The following EVC2 variants were observed in gnomAD, a reference collection of about 807,000 sequenced individuals.
EVC2 encodes the protein limbin.
Under a neutral mutation model 149.3 loss-of-function variants are expected in EVC2, and 148 were observed. The observed-to-expected ratio is 0.99, with a 90% CI of 0.87 to 1.14. The LOEUF (loss-of-function observed/expected upper bound fraction) is 1.14, where lower values mean the gene tolerates loss of function less well. Ranked by LOEUF, EVC2 falls within the 50% of genes most tolerant of loss-of-function variation. EVC2 has a pLI of 0.00. For missense variants in EVC2, 1,854 were observed against 1,627.3 expected, an observed-to-expected ratio of 1.14 and a Z score of -2.40; for synonymous variants, 776 against 649.9, an observed-to-expected ratio of 1.19 and a Z score of -2.95.
rs1489158506 is a variant in EVC2, at chr4:5,613,552, C to A, written c.2829+1870G>T. 6.6e-6 allele frequency among the ~76,000 whole-genome samples: 1 copy of A among 152,132 alleles called. No homozygotes were observed. The highest frequency in any genetic ancestry group is 1.5e-5 in the Non-Finnish European group (1 of 68,024). On this transcript the variant is annotated intron_variant, in intron 16 of 21. Coordinates refer to ENST00000344408, the MANE Select transcript of EVC2 (RefSeq NM_147127.5). This position sits in a 1 kb window ranked among gnomAD's most constrained non-coding sequence, Gnocchi z 4.6. Reference sequence around the variant, plus strand: ...CTTCTTGCTGTAAACTGGGAATAAACTGGGACAGCTTGGCTTACCTCTCTC... The same window carrying A: ...CTTCTTGCTGTAAACTGGGAATAAAATGGGACAGCTTGGCTTACCTCTCTC...
At chr4:5,676,151 A>G (rs542077045) in intron 7 of EVC2, among the ~76,000 whole-genome samples, 2 of 152,294 alleles carry the variant, frequency 1.3e-5, no homozygotes, top group African/African-American at 4.8e-5. Context: ...GTGCCATCTG[A>G]GACCTGCACT....
At chr4:5,568,232 ATT>A (rs34681984) in intron 20 of EVC2, among the ~76,000 whole-genome samples, 58 of 149,192 alleles carry the variant, frequency 3.9e-4, no homozygotes, top group East Asian at 1.2e-3. Context: ...CTTTTTATGC[ATT>A]TTTTTTTTTA....
chr4:5,629,976 TC>T (rs762012354), intron 11 of EVC2, among the ~76,000 whole-genome samples: 46 of 152,378 alleles, frequency 3.0e-4, no homozygotes, highest in Middle Eastern at 3.4e-3. Flanking sequence ...TAGCATGCAT[TC>T]TTTTTAACTT....
intron 1 of EVC2, among the ~76,000 whole-genome samples, chr4:5,698,201 C>T (rs548821252): frequency 1.3e-5 from 2 of 152,264 alleles, no homozygotes; most frequent in Admixed American, 1.3e-4. Flanking sequence ...AGGGAGGCCG[C>T]ACCATGTGAT....
intron 16 of EVC2, 105 bp from the exon 17 acceptor site, chr4:5,584,955 C>T: frequency 8.0e-7 from 1 of 1,254,366 alleles, no homozygotes; most frequent in Non-Finnish European, 1.1e-6. Flanking sequence ...ATTCTGAGGA[C>T]CACCAAAAGT....
intron 1 of EVC2, among the ~76,000 whole-genome samples, chr4:5,702,373 G>A (rs186131147): frequency 6.6e-6 from 1 of 152,312 alleles, no homozygotes; most frequent in East Asian, 1.9e-4. Context: ...AGCAGGGGCA[G>A]GTCTTGGTCT....
At chr4:5,705,486 A>G (rs1482788696) in intron 1 of EVC2, among the ~76,000 whole-genome samples, 4 of 152,240 alleles carry the variant, frequency 2.6e-5, no homozygotes, top group Admixed American at 2.6e-4. Flanking sequence ...TAAAGTGTCT[A>G]GTAATTCATT....
rs780591966 is a variant in EVC2, at chr4:5,562,982, G to C, written c.3793C>G (p.Leu1265Val). 1 of 1,614,052 alleles carries C rather than the reference G, an allele frequency of 6.2e-7. No homozygotes were observed. The highest frequency in any genetic ancestry group is 1.3e-5 in the African/African-American group (1 of 74,912). ...AAGAGCTTCTCTCCTGTGTTTAATA[G>C]ATCAATGGTTTCTGCCCCTACAATG... is the stretch of plus-strand genomic sequence containing the variant. Reference protein sequence around the residue: ...VPIVGAETIDLLNTGEKLFIF... With the variant: ...VPIVGAETIDVLNTGEKLFIF... Residue 1265 changes from leucine (L) to valine (V), a missense_variant, in exon 22 of 22, where the codon CTA becomes GTA. Transcript: ENST00000344408. The surrounding 1 kb of genome is among the most constrained non-coding windows in gnomAD (Gnocchi z 4.3).
At chr4:5,609,208 C>T (rs1714633233) in intron 16 of EVC2, among the ~76,000 whole-genome samples, 1 of 152,186 alleles carries the variant, frequency 6.6e-6, no homozygotes, top group Non-Finnish European at 1.5e-5. Context: ...TATCTACCCT[C>T]TTACCTCCCT....
chr4:5,678,191 G>T (rs1368909343), intron 7 of EVC2, among the ~76,000 whole-genome samples: 2 of 152,188 alleles, frequency 1.3e-5, no homozygotes, highest in Admixed American at 1.3e-4. Context: ...TACAAACAGT[G>T]TGGCTTATGC....
intron 13 of EVC2, 147 bp from the exon 14 acceptor site, chr4:5,623,138 T>C: frequency 1.2e-6 from 1 of 864,626 alleles, no homozygotes; most frequent in East Asian, 2.7e-5. Flanking sequence ...GTTTTTTGTT[T>C]GCTTGTTTGT....
intron 9 of EVC2, among the ~76,000 whole-genome samples, chr4:5,642,881 A>G (rs1717439824): frequency 6.6e-6 from 1 of 152,232 alleles, no homozygotes; most frequent in African/African-American, 2.4e-5. Flanking sequence ...AATATTGACC[A>G]ATCTTGTTTT....
chr4:5,663,096 A>G lies in EVC2; in HGVS notation c.1145+11T>C, dbSNP rs1474569019. 3 of 1,614,016 alleles carry G rather than the reference A, an allele frequency of 1.9e-6. No individual in the cohort carries two copies. Among genetic ancestry groups the G allele is most frequent in the South Asian group, 2.2e-5 (2 of 91,068 alleles). On this transcript the variant is annotated intron_variant, in intron 9 of 21. Coordinates refer to ENST00000344408, the MANE Select transcript of EVC2 (RefSeq NM_147127.5). Reference sequence around the variant, plus strand: ...CATGTGTGTAAGTATAATGGGATTTAGAATTCTTACTCTTCTAAGGCTTGA... The same window carrying G: ...CATGTGTGTAAGTATAATGGGATTTGGAATTCTTACTCTTCTAAGGCTTGA...
chr4:5,545,009 T>C (rs10937652), intron 21 of EVC2, among the ~76,000 whole-genome samples: 45,144 of 152,076 alleles, frequency 0.3, 8,020 homozygotes, highest in East Asian at 0.86. Flanking sequence ...CACCCTTCAC[T>C]GACACAGCCT....
In EVC2 at chr4:5,686,113, C is replaced by CAG. The variant is rs1720693723; in HGVS notation, c.707-635_707-634insCT. Among the ~76,000 whole-genome samples, 2 of 92,424 alleles carry CAG rather than the reference C, an allele frequency of 2.2e-5. No individual in the cohort carries two copies. The highest frequency in any genetic ancestry group is 4.1e-5 in the Non-Finnish European group (2 of 48,252). The allele number at this position is 92,424 out of a possible 152,430, so 60.6% of individuals were successfully genotyped here. A position where few individuals can be genotyped will look rare whatever the true frequency, so the allele number is the denominator to read the frequency against. On this transcript the variant is annotated intron_variant, in intron 5 of 21. Coordinates refer to ENST00000344408, the MANE Select transcript of EVC2 (RefSeq NM_147127.5). This position sits in a 1 kb window ranked among gnomAD's most constrained non-coding sequence, Gnocchi z 5.4. ...TATATATTACACACACACACACACA[C>CAG]ACACACACACACACAGAGTAAAGAA...
At chr4:5,632,157 C>T in intron 10 of EVC2, 125 bp from the exon 11 acceptor site, 1 of 1,275,734 alleles carries the variant, frequency 7.8e-7, no homozygotes, top group African/African-American at 1.5e-5. Context: ...CAGATGCATG[C>T]ACATATGCAT....
rs570572942 is a variant in EVC2, at chr4:5,658,563, C to A, written c.1145+4544G>T. Among the ~76,000 whole-genome samples, 5 of 152,310 alleles carry A rather than the reference C, an allele frequency of 3.3e-5. No individual in the cohort carries two copies. In the East Asian group the frequency reaches 9.6e-4, roughly 29 times the overall value. ...AATGTTGGTAGCATCCAGAAAGAGT[C>A]CTAAGCTCATTCTAATAATAGAGAA... On this transcript the variant is annotated intron_variant, in intron 9 of 21. Coordinates refer to ENST00000344408, the MANE Select transcript of EVC2 (RefSeq NM_147127.5).
Position 5,614,224 on chromosome 4 carries a change from G to A in EVC2, c.2829+1198C>T, listed in dbSNP as rs1024092463. 1.3e-5 allele frequency among the ~76,000 whole-genome samples: 2 copies of A among 152,152 alleles called. No individual in the cohort carries two copies. Among genetic ancestry groups the A allele is most frequent in the African/African-American group, 4.8e-5 (2 of 41,432 alleles). On this transcript the variant is annotated intron_variant, in intron 16 of 21. Coordinates refer to ENST00000344408, the MANE Select transcript of EVC2 (RefSeq NM_147127.5). This position sits in a 1 kb window ranked among gnomAD's most constrained non-coding sequence, Gnocchi z 4.7. Reference sequence around the variant, plus strand: ...ACCCTGCTGCCAGCCTACTTCACCTGTAAGGTCACATTATCTAATTTCTTT... The same window carrying A: ...ACCCTGCTGCCAGCCTACTTCACCTATAAGGTCACATTATCTAATTTCTTT...
In EVC2 at chr4:5,567,884, T is replaced by G. The variant is rs1431635331; in HGVS notation, c.3557+560A>C. 6.6e-6 allele frequency among the ~76,000 whole-genome samples: 1 copy of G among 152,172 alleles called. No homozygotes were observed. Among genetic ancestry groups the G allele is most frequent in the South Asian group, 2.1e-4 (1 of 4,830 alleles). On this transcript the variant is annotated intron_variant, in intron 20 of 21. Coordinates refer to ENST00000344408, the MANE Select transcript of EVC2 (RefSeq NM_147127.5). The surrounding 1 kb of genome is among the most constrained non-coding windows in gnomAD (Gnocchi z 4.4). Reference sequence around the variant, plus strand: ...TGAATAACACTAGCAGGAAATAGAATCTAAGTAATGGGATAAGAATTACAT... The same window carrying G: ...TGAATAACACTAGCAGGAAATAGAAGCTAAGTAATGGGATAAGAATTACAT...
Sources: allele counts gnomAD v4.1 joint callset (sites outside exome capture counted in the v4.1 genomes callset), GRCh38; gene constraint gnomAD v4.1.1; non-coding constraint Gnocchi (gnomAD v3.1); transcripts MANE v1.5; gene names NCBI Gene and HGNC (gene_info 2026-07-23, HGNC 2026-07-21).